The following RET variants were observed in gnomAD, a reference collection of about 807,000 sequenced individuals.
The protein encoded by RET is ret proto-oncogene.
A neutral mutation model predicts 118.3 loss-of-function variants in RET; 19 were observed. That is an observed-to-expected ratio of 0.16 (90% CI 0.11 to 0.24). The LOEUF is 0.24. Ranked by LOEUF, RET falls within the 10% of genes least tolerant of loss-of-function variation. The pLI is 1.00. For missense variants in RET, 1,219 were observed against 1,502.1 expected (o/e 0.81, Z 3.12); for synonymous variants, 597 against 644.1 (o/e 0.93, Z 1.11).
intron 1 of RET, among the ~76,000 whole-genome samples, chr10:43,094,638 G>A (rs1416177503): frequency 6.6e-6 from 1 of 152,152 alleles, no homozygotes; most frequent in Non-Finnish European, 1.5e-5. Flanking sequence ...GAGACCAAGG[G>A]CCACAGCCAG....
chr10:43,090,900 G>A (rs544695529), intron 1 of RET, among the ~76,000 whole-genome samples: 89 of 150,706 alleles, frequency 5.9e-4, no homozygotes, highest in African/African-American at 2.0e-3. Context: ...CAGTCAGGGC[G>A]CTCTCGTGCC....
At chr10:43,105,324 C>T in intron 4 of RET, 131 bp downstream of exon 4, 1 of 1,387,622 alleles carries the variant, frequency 7.2e-7, no homozygotes, top group Non-Finnish European at 9.9e-7. Context: ...TGTCCTTCGC[C>T]TCCGTCTGCG....
intron 16 of RET, 91 bp from the exon 17 acceptor site, chr10:43,123,580 G>A (rs1326579378): frequency 1.3e-6 from 2 of 1,548,876 alleles, no homozygotes; most frequent in African/African-American, 1.4e-5. Flanking sequence ...GGGTCAGCAG[G>A]TGCTTGGTGG....
chr10:43,101,777 T>C (rs1303059828), intron 2 of RET, among the ~76,000 whole-genome samples: 1 of 152,116 alleles, frequency 6.6e-6, no homozygotes, highest in Non-Finnish European at 1.5e-5. Context: ...CAACAGGGGA[T>C]TGGAGCAATG....
chr10:43,127,104 C>T (rs1001179995), intron 19 of RET: 1 of 1,170,836 alleles, frequency 8.5e-7, no homozygotes, highest in African/African-American at 1.6e-5. Context: ...GGGAGGTATT[C>T]AGTTGAGAAA....
rs1199456015 is a variant in RET, at chr10:43,114,701, G to A, written c.2101G>A (p.Glu701Lys). 1.2e-6 allele frequency: 2 copies of A among 1,611,998 alleles called. No individual in the cohort carries two copies. ...CCGCCGGCCCTCGCTGGACTCCATGGAGAACCAGGTCTCCGTGGATGCCTT... is the reference window on the plus strand; with the variant it reads ...CCGCCGGCCCTCGCTGGACTCCATGAAGAACCAGGTCTCCGTGGATGCCTT... ...GARRPSLDSMENQVSVDAFKI... is the reference protein window; with the variant it reads ...GARRPSLDSMKNQVSVDAFKI... Residue 701 changes from glutamate to lysine, a missense_variant, in exon 11 of 20, where the codon GAG becomes AAG. Transcript: ENST00000355710. The surrounding 1 kb of genome is among the most constrained non-coding windows in gnomAD (Gnocchi z 4.6).
chr10:43,113,758 G>A, intron 10 of RET, 83 bp downstream of exon 10: 1 of 1,570,078 alleles, frequency 6.4e-7, no homozygotes, highest in Non-Finnish European at 8.7e-7. Flanking sequence ...CAACAAGGGA[G>A]GAAATTGCTG....
intron 12 of RET, 122 bp from the exon 13 acceptor site, chr10:43,118,251 G>T: frequency 1.3e-6 from 1 of 779,074 alleles, no homozygotes; most frequent in Non-Finnish European, 2.2e-6. Context: ...AAGCAGCATC[G>T]TCTTTGCAGG....
intron 5 of RET, among the ~76,000 whole-genome samples, chr10:43,108,287 A>G (rs2565203): frequency 0.79 from 119,872 of 152,114 alleles, 48,206 homozygotes; most frequent in African/African-American, 0.95. Flanking sequence ...CTGGGAGGTC[A>G]AGGCTGCAAT....
intron 1 of RET, among the ~76,000 whole-genome samples, chr10:43,095,237 G>GC (rs1479870325): frequency 2.0e-5 from 3 of 152,204 alleles, no homozygotes; most frequent in African/African-American, 7.2e-5. Flanking sequence ...GGTATGGGCT[G>GC]CATCAGTGCC....
At chr10:43,102,974 G>C (rs1486562083) in intron 3 of RET, 6 of 392,632 alleles carry the variant, frequency 1.5e-5, no homozygotes, top group South Asian at 4.3e-5. Context: ...GGGAACAGAC[G>C]AGGAGACCTC....
At chr10:43,097,795 C>T (rs1837552281) in intron 1 of RET, among the ~76,000 whole-genome samples, 1 of 152,188 alleles carries the variant, frequency 6.6e-6, no homozygotes, top group African/African-American at 2.4e-5. Flanking sequence ...TTGTTTCCCC[C>T]AGGTGTGTCC....
At chr10:43,102,204 C>A in intron 2 of RET, 138 bp from the exon 3 acceptor site, 1 of 1,080,914 alleles carries the variant, frequency 9.3e-7, no homozygotes, top group Non-Finnish European at 1.4e-6. Flanking sequence ...GCAGGCAGAG[C>A]TGGAACACCA....
chr10:43,078,125 C>T (rs1460431735), intron 1 of RET, among the ~76,000 whole-genome samples: 1 of 152,194 alleles, frequency 6.6e-6, no homozygotes, highest in Admixed American at 6.5e-5. Flanking sequence ...TTAGGTGTGG[C>T]CTTGCAAAGA....
intron 1 of RET, among the ~76,000 whole-genome samples, chr10:43,077,617 A>G (rs1230411509): frequency 1.3e-5 from 2 of 151,960 alleles, no homozygotes; most frequent in Non-Finnish European, 2.9e-5. Flanking sequence ...CCATAGCCGC[A>G]GGTCTCAATC....
intron 1 of RET, among the ~76,000 whole-genome samples, chr10:43,093,924 G>A (rs1837464196): frequency 1.3e-5 from 2 of 152,064 alleles, no homozygotes; most frequent in Non-Finnish European, 2.9e-5. Context: ...ACAGTGGCAG[G>A]TGGGGAGGCG....
chr10:43,128,396 G>C lies in RET; in HGVS notation c.*127G>C. The C allele has an allele frequency of 9.1e-7, 1 of 1,098,948 alleles. No homozygotes were observed. Among genetic ancestry groups the C allele is most frequent in the East Asian group, 2.5e-5 (1 of 40,502 alleles). 68.1% of individuals were successfully genotyped at this position (1,098,948 alleles called of 1,614,324 possible). ...TGTTCAGTTCCCAGGTGGCAGACTCGTTTTTGGTAGTTTGTTTTAACTTCC... is the reference window on the plus strand; with the variant it reads ...TGTTCAGTTCCCAGGTGGCAGACTCCTTTTTGGTAGTTTGTTTTAACTTCC... On this transcript the variant is annotated 3_prime_UTR_variant, in exon 20 of 20. Coordinates refer to ENST00000355710, the MANE Select transcript of RET (RefSeq NM_020975.6).
chr10:43,110,558 G>T lies in RET; in HGVS notation c.1264-649G>T, dbSNP rs1156839474. On this transcript the variant is annotated intron_variant, in intron 6 of 19. Transcript: ENST00000355710. ...CCAGGTCCTGGCATCCCCAGGAGAG[G>T]CCCCTCTTTCCCAGGGGCTCTGGTC... Among the ~76,000 whole-genome samples, 5 of 152,278 alleles carry T rather than the reference G, an allele frequency of 3.3e-5. No homozygotes were observed. The East Asian group carries it at 9.7e-4, about 29-fold the overall frequency.
chr10:43,116,761 T>C, intron 12 of RET, 30 bp downstream of exon 12: 1 of 1,023,506 alleles, frequency 9.8e-7, no homozygotes, highest in Non-Finnish European at 1.4e-6. Flanking sequence ...ACAGTGCCCC[T>C]GGGGGAGTCT....
Sources: allele counts gnomAD v4.1 joint callset (sites outside exome capture counted in the v4.1 genomes callset), GRCh38; gene constraint gnomAD v4.1.1; non-coding constraint Gnocchi (gnomAD v3.1); transcripts MANE v1.5; gene names NCBI Gene and HGNC (gene_info 2026-07-23, HGNC 2026-07-21).